NQO1: variants seen among roughly 807,000 people sequenced by gnomAD.
The protein encoded by NQO1 is NAD(P)H quinone dehydrogenase 1, also known as NAD(P)H dehydrogenase [quinone] 1.
Under a neutral mutation model 32.1 loss-of-function variants are expected in NQO1, and 30 were observed. That is an observed-to-expected ratio of 0.94 (90% CI 0.70 to 1.27). The LOEUF (loss-of-function observed/expected upper bound fraction) is 1.27. Ranked by LOEUF, NQO1 falls within the 50% of genes most tolerant of loss-of-function variation. NQO1 has a pLI of 0.00. For missense variants in NQO1, 276 were observed against 331.3 expected (o/e 0.83, Z 1.30); for synonymous variants, 109 against 119.7 (o/e 0.91, Z 0.59).
Position 69,715,025 on chromosome 16 carries a change from C to T in NQO1, c.356G>A (p.Arg119Gln), listed in dbSNP as rs11555215. The T allele has an allele frequency of 3.7e-6, 6 of 1,613,778 alleles. No homozygotes were observed. The highest frequency in any genetic ancestry group is 2.7e-5 in the African/African-American group (2 of 74,894). ...VPAILKGWFE[R>Q]VFIGEFAYTY... The stretch of plus-strand genomic sequence containing the variant: ...GTAAGCAAACTCTCCTATGAACACT[C>T]GCTCAAACCAGCCTTTCAGAATGGC... The change falls in exon 4 of 6, where the codon CGA (arginine) becomes CAA (glutamine). Residue 119 changes from arginine (R) to glutamine (Q), a missense_variant. Arg to Gln is a conservative substitution (Grantham distance 43, BLOSUM62 1). Transcript: ENST00000320623.
intron 3 of NQO1, 64 bp downstream of exon 3, chr16:69,718,059 G>A: frequency 6.3e-7 from 1 of 1,591,584 alleles, no homozygotes; most frequent in Middle Eastern, 1.7e-4. Flanking sequence ...TAGCTAATTA[G>A]GTACATGTCT....
At chr16:69,713,635 T>C (rs1187515367) in intron 4 of NQO1, among the ~76,000 whole-genome samples, 1 of 152,208 alleles carries the variant, frequency 6.6e-6, no homozygotes, top group Non-Finnish European at 1.5e-5. Flanking sequence ...CCTCTCAGTA[T>C]TCTGCTATTC....
chr16:69,712,925 G>A (rs770403850), intron 5 of NQO1, 103 bp downstream of exon 5: 82 of 912,518 alleles, frequency 9.0e-5, no homozygotes, highest in Admixed American at 3.5e-4. Flanking sequence ...CCCAGCGGGC[G>A]GAGCTTGTAG....
Position 69,710,152 on chromosome 16 carries a change from G to A in NQO1, c.*824C>T. 1 of 165,770 alleles carries A rather than the reference G, an allele frequency of 6.0e-6. No individual in the cohort carries two copies. Among genetic ancestry groups the A allele is most frequent in the East Asian group, 1.6e-4 (1 of 6,424 alleles). 10.3% of individuals were successfully genotyped at this position (165,770 alleles called of 1,614,324 possible). A position where few individuals can be genotyped will look rare whatever the true frequency, so the allele number is the denominator to read the frequency against. ...GTTTGAGACCAGCCTGGCCAACATG[G>A]TGAAACGCCGTCTCTACTAAAAATA... On this transcript the variant is annotated 3_prime_UTR_variant, in exon 6 of 6. Transcript: ENST00000320623.
intron 3 of NQO1, 65 bp downstream of exon 3, chr16:69,718,058 A>T: frequency 6.3e-7 from 1 of 1,588,716 alleles, no homozygotes; most frequent in Non-Finnish European, 8.6e-7. Flanking sequence ...ATAGCTAATT[A>T]GGTACATGTC....
chr16:69,718,827 G>A (rs577326786), intron 1 of NQO1, among the ~76,000 whole-genome samples: 9 of 152,258 alleles, frequency 5.9e-5, no homozygotes, highest in Admixed American at 3.3e-4. Flanking sequence ...CTGAGGTCAG[G>A]AGTTTGAGAC....
At chr16:69,722,159 G>C (rs549990391) in intron 1 of NQO1, among the ~76,000 whole-genome samples, 1 of 138,764 alleles carries the variant, frequency 7.2e-6, no homozygotes, top group Non-Finnish European at 1.6e-5. Flanking sequence ...AACTTTTTTG[G>C]CAGGGTGGGG....
intron 1 of NQO1, among the ~76,000 whole-genome samples, chr16:69,719,034 C>CA (rs11423997): frequency 0.48 from 69,549 of 144,104 alleles, 17,115 homozygotes; most frequent in African/African-American, 0.6. Context: ...GACTCCGTCT[C>CA]AAAAAAAAAA....
Position 69,726,494 on chromosome 16 carries a change from C to T in NQO1, c.-55G>A. 6.3e-7 allele frequency: 1 copy of T among 1,598,390 alleles called. No individual in the cohort carries two copies. The highest frequency in any genetic ancestry group is 8.5e-7 in the Non-Finnish European group (1 of 1,176,904). ...GCTGGGCTCGTGGTTGCCGGGGCGA[C>T]CCTGGCCGGAACTAGGCTCTCGGTG... On this transcript the variant is annotated 5_prime_UTR_variant, in exon 1 of 6. Transcript: ENST00000320623.
chr16:69,722,471 C>T (rs961812092), intron 1 of NQO1, among the ~76,000 whole-genome samples: 1 of 152,102 alleles, frequency 6.6e-6, no homozygotes, highest in Non-Finnish European at 1.5e-5. Flanking sequence ...GCATCTGCAA[C>T]TTTTTTGCAC....
chr16:69,723,052 A>G (rs2917672), intron 1 of NQO1, among the ~76,000 whole-genome samples: 1 of 152,016 alleles, frequency 6.6e-6, no homozygotes, highest in Non-Finnish European at 1.5e-5. Context: ...CTCAGCCTCC[A>G]GAGTAGCTGG....
Position 69,709,913 on chromosome 16 carries a change from A to C in NQO1, c.*1063T>G. Reference sequence around the variant, plus strand: ...AATAACCTTCTGAAAATTTGTATAGATCAGAAATAAAGTATTTTTTGTGGA... The same window carrying C: ...AATAACCTTCTGAAAATTTGTATAGCTCAGAAATAAAGTATTTTTTGTGGA... On this transcript the variant is annotated 3_prime_UTR_variant, in exon 6 of 6. Coordinates refer to ENST00000320623, the MANE Select transcript of NQO1 (RefSeq NM_000903.3). 1 of 398,332 alleles carries C rather than the reference A, an allele frequency of 2.5e-6. No homozygotes were observed. Among genetic ancestry groups the C allele is most frequent in the Non-Finnish European group, 4.4e-6 (1 of 225,920 alleles). 24.7% of individuals were successfully genotyped at this position (398,332 alleles called of 1,614,324 possible).
At position 69,711,109 on chromosome 16, in the gene NQO1, A is replaced by C. The variant is rs779054185; in HGVS notation, c.692T>G (p.Leu231Arg). The change falls in exon 6 of 6, where the codon CTA becomes CGA. Residue 231 changes from leucine (L) to arginine (R), a missense_variant. Leu to Arg is a moderately radical substitution (Grantham distance 102). Transcript: ENST00000320623. ...LYFAPSSLFDLNFQAGFLMKK... is the reference protein window; with the variant it reads ...LYFAPSSLFDRNFQAGFLMKK... ...CATTAAGAATCCTGCCTGGAAGTTT[A>C]GGTCAAAGAGGCTGCTTGGAGCAAA... 1 of 1,614,214 alleles carries C rather than the reference A, an allele frequency of 6.2e-7. No homozygotes were observed. The highest frequency in any genetic ancestry group is 8.5e-7 in the Non-Finnish European group (1 of 1,180,048).
intron 3 of NQO1, among the ~76,000 whole-genome samples, chr16:69,715,472 A>G (rs1188852211): frequency 6.6e-6 from 1 of 152,218 alleles, no homozygotes; most frequent in Admixed American, 6.5e-5. Context: ...TGTGGTATCA[A>G]CAATATGACT....
chr16:69,719,832 G>C (rs2038166164), intron 1 of NQO1, among the ~76,000 whole-genome samples: 1 of 151,796 alleles, frequency 6.6e-6, no homozygotes, highest in Admixed American at 6.6e-5. Context: ...GAGTTAAACT[G>C]GCTGGGCACA....
At chr16:69,723,513 G>C (rs1018842709) in intron 1 of NQO1, among the ~76,000 whole-genome samples, 1 of 152,124 alleles carries the variant, frequency 6.6e-6, no homozygotes, top group Non-Finnish European at 1.5e-5. Context: ...AAAGAAGGTT[G>C]TGGGTGGGTC....
At position 69,709,453 on chromosome 16, in the gene NQO1, T is replaced by A; in HGVS notation, c.*1523A>T. ...TATTTAATTCAGATCTTTGAGAAAT[T>A]TACACAAAATTGCAGTGAAGATGAA... On this transcript the variant is annotated 3_prime_UTR_variant, in exon 6 of 6. Coordinates refer to ENST00000320623, the MANE Select transcript of NQO1 (RefSeq NM_000903.3). 7.9e-6 allele frequency: 2 copies of A among 253,666 alleles called. No individual in the cohort carries two copies. The highest frequency in any genetic ancestry group is 1.5e-5 in the Non-Finnish European group (2 of 135,034). 15.7% of individuals were successfully genotyped at this position (253,666 alleles called of 1,614,324 possible). A position where few individuals can be genotyped will look rare whatever the true frequency, so the allele number is the denominator to read the frequency against.
chr16:69,723,166 G>A (rs2038216518), intron 1 of NQO1, among the ~76,000 whole-genome samples: 1 of 151,982 alleles, frequency 6.6e-6, no homozygotes, highest in South Asian at 2.1e-4. Flanking sequence ...CTCGTGATCC[G>A]CCTGTCTCGG....
At chr16:69,717,311 G>A (rs747553399) in intron 3 of NQO1, among the ~76,000 whole-genome samples, 5 of 152,206 alleles carry the variant, frequency 3.3e-5, no homozygotes, top group Non-Finnish European at 5.9e-5. Context: ...AAGAAAGGCC[G>A]TGGTTTGCTG....
Sources: allele counts gnomAD v4.1 joint callset (sites outside exome capture counted in the v4.1 genomes callset), GRCh38; gene constraint gnomAD v4.1.1; transcripts MANE v1.5; gene names NCBI Gene and HGNC (gene_info 2026-07-23, HGNC 2026-07-21).